The following CYS1 variants were observed in gnomAD, a reference collection of about 807,000 sequenced individuals.
CYS1 encodes the protein cystin 1.
In CYS1, 5 loss-of-function variants were observed where a neutral mutation model predicts 9.6. That is an observed-to-expected ratio of 0.52 (90% confidence interval 0.27 to 1.10). The LOEUF (loss-of-function observed/expected upper bound fraction) is 1.10. CYS1 is among the 50% of genes least tolerant of loss of function. The pLI, the probability that CYS1 is intolerant of heterozygous loss-of-function variation, is 0.11. For synonymous variants in CYS1, 88 were observed against 95.7 expected (o/e 0.92, Z 0.47); for missense variants, 221 against 207.9 (o/e 1.06, Z -0.39).
chr2:10,065,872 T>C, intron 2 of CYS1, 32 bp downstream of exon 2: 1 of 1,613,240 alleles, frequency 6.2e-7, no homozygotes, highest in Non-Finnish European at 8.5e-7. Flanking sequence ...AACCCGTGGC[T>C]TCTGGGAGAG....
At chr2:10,074,762 G>A (rs569176110) in intron 1 of CYS1, among the ~76,000 whole-genome samples, 2 of 152,262 alleles carry the variant, frequency 1.3e-5, no homozygotes, top group Non-Finnish European at 2.9e-5. Flanking sequence ...CCGTCTCATT[G>A]GTTTCTGCTC....
intron 1 of CYS1, among the ~76,000 whole-genome samples, chr2:10,067,001 G>GAT (rs1420238296): frequency 6.6e-6 from 1 of 152,134 alleles, no homozygotes; most frequent in South Asian, 2.1e-4. Context: ...AGATACCATG[G>GAT]ATATCTCTTT....
At chr2:10,072,921 A>G (rs1291098910) in intron 1 of CYS1, among the ~76,000 whole-genome samples, 2 of 89,338 alleles carry the variant, frequency 2.2e-5, no homozygotes, top group African/African-American at 4.0e-5. Context: ...GGCTCTGCGT[A>G]GGGGGGGATG....
intron 2 of CYS1, among the ~76,000 whole-genome samples, chr2:10,064,617 C>G (rs1661670016): frequency 6.6e-6 from 1 of 152,224 alleles, no homozygotes; most frequent in Non-Finnish European, 1.5e-5. Flanking sequence ...CTCCTACCAC[C>G]CCCACCTGTC....
At chr2:10,071,672 C>T (rs1333352258) in intron 1 of CYS1, among the ~76,000 whole-genome samples, 1 of 152,224 alleles carries the variant, frequency 6.6e-6, no homozygotes, top group Non-Finnish European at 1.5e-5. Context: ...ACTCCCAGAA[C>T]ACACAAGCTT....
intron 1 of CYS1, among the ~76,000 whole-genome samples, chr2:10,068,125 A>G (rs1029663956): frequency 1.3e-5 from 2 of 152,110 alleles, no homozygotes. Context: ...TTAAACTTAT[A>G]CCATTGATAT....
intron 2 of CYS1, among the ~76,000 whole-genome samples, chr2:10,065,459 C>T (rs554662419): frequency 6.6e-6 from 1 of 152,318 alleles, no homozygotes; most frequent in South Asian, 2.1e-4. Context: ...CCAGGCTCCT[C>T]GCCTGCTACC....
chr2:10,064,148 G>A (rs920241944), intron 2 of CYS1, among the ~76,000 whole-genome samples: 4 of 152,082 alleles, frequency 2.6e-5, no homozygotes, highest in Admixed American at 2.0e-4. Context: ...GCTTGAACCC[G>A]GGTGGTGGAG....
intron 1 of CYS1, among the ~76,000 whole-genome samples, chr2:10,079,614 C>CGGGGCCGCGGGCCCGAGGGGAGCCGG (rs1558362706): frequency 1.3e-5 from 2 of 151,908 alleles, no homozygotes; most frequent in Non-Finnish European, 2.9e-5. Context: ...GAAGGCCAGG[C>CGGGGCCGCGGGCCCGAGGGGAGCCGG]GGGGCCGCGG....
chr2:10,066,329 C>T (rs550385954), intron 1 of CYS1, among the ~76,000 whole-genome samples: 1 of 152,028 alleles, frequency 6.6e-6, no homozygotes, highest in East Asian at 1.9e-4. Flanking sequence ...CCCACCGCCA[C>T]CTAGCACGAG....
intron 2 of CYS1, among the ~76,000 whole-genome samples, chr2:10,060,053 G>A (rs1010149274): frequency 6.6e-6 from 1 of 152,258 alleles, no homozygotes; most frequent in Non-Finnish European, 1.5e-5. Flanking sequence ...AGTCCCGGGA[G>A]CCCAGGGCAG....
At chr2:10,074,440 C>T (rs1479645979) in intron 1 of CYS1, among the ~76,000 whole-genome samples, 1 of 152,200 alleles carries the variant, frequency 6.6e-6, no homozygotes, top group Non-Finnish European at 1.5e-5. Flanking sequence ...CTCCTGCCCC[C>T]ATGCAGTCTC....
rs1250348098 is a variant in CYS1 at position 10,056,498 on chromosome 2, G to T, written c.*2355C>A. ...TTTGTGGTCACTTAAGATTTTTCCAGACAACAACGTGCGTCATTTTTGCCT... is the reference window on the plus strand; with the variant it reads ...TTTGTGGTCACTTAAGATTTTTCCATACAACAACGTGCGTCATTTTTGCCT... On this transcript the variant is annotated 3_prime_UTR_variant, in exon 3 of 3. Transcript: ENST00000381813. 3.3e-5 allele frequency among the ~76,000 whole-genome samples: 5 copies of T among 152,230 alleles called. No homozygotes were observed. The highest frequency in any genetic ancestry group is 1.2e-4 in the African/African-American group (5 of 41,456).
intron 1 of CYS1, among the ~76,000 whole-genome samples, chr2:10,078,722 C>A (rs1341093564): frequency 6.6e-6 from 1 of 152,212 alleles, no homozygotes; most frequent in African/African-American, 2.4e-5. Context: ...CATCGAGCTG[C>A]AGACTTCTTT....
intron 2 of CYS1, among the ~76,000 whole-genome samples, chr2:10,060,872 A>G (rs1661617605): frequency 6.6e-6 from 1 of 152,198 alleles, no homozygotes; most frequent in African/African-American, 2.4e-5. Flanking sequence ...CGGTGTGTCT[A>G]CCACAGAGCT....
In CYS1 at chr2:10,058,233, G is replaced by A. The variant is rs1661577531; in HGVS notation, c.*620C>T. ...ACCTCCCACTGCAAGGCAGATCAGA[G>A]CTGGGGTTCTCGCTCCTCAAAGTGC... On this transcript the variant is annotated 3_prime_UTR_variant, in exon 3 of 3. Transcript: ENST00000381813. The A allele has an allele frequency of 6.6e-6, 1 of 152,514 alleles. No individual in the cohort carries two copies. The highest frequency in any genetic ancestry group is 6.5e-5 in the Admixed American group (1 of 15,288). 9.4% of individuals were successfully genotyped at this position (152,514 alleles called of 1,614,324 possible). A position where few individuals can be genotyped will look rare whatever the true frequency, so the allele number is the denominator to read the frequency against.
chr2:10,074,109 G>A (rs1179281110), intron 1 of CYS1, among the ~76,000 whole-genome samples: 7 of 151,824 alleles, frequency 4.6e-5, no homozygotes, highest in Admixed American at 6.6e-5. Flanking sequence ...CCATCCACAC[G>A]CTCTCCCTCA....
intron 2 of CYS1, among the ~76,000 whole-genome samples, chr2:10,064,779 G>A (rs1011879000): frequency 2.0e-5 from 3 of 151,758 alleles, no homozygotes; most frequent in Admixed American, 6.6e-5. Flanking sequence ...GTGAAGTGGC[G>A]CGATCTTGGC....
intron 1 of CYS1, among the ~76,000 whole-genome samples, chr2:10,073,206 A>C (rs1661795839): frequency 2.1e-4 from 7 of 32,992 alleles, no homozygotes; most frequent in South Asian, 1.1e-3. Context: ...GGCTCTGGGA[A>C]CCGCCCCCCC....
Sources: gnomAD v4.1 joint callset for allele counts (sites outside exome capture counted in the v4.1 genomes callset) on GRCh38, gnomAD v4.1.1 for gene constraint, MANE v1.5 for transcripts, NCBI Gene and HGNC (gene_info 2026-07-23, HGNC 2026-07-21) for gene names.